The following HOXD11 variants were observed in gnomAD, a reference collection of about 807,000 sequenced individuals.
HOXD11 encodes the protein homeobox protein Hox-D11.
In HOXD11, 16 loss-of-function variants were observed where a neutral mutation model predicts 23.1. That is an observed-to-expected ratio of 0.69 (90% CI 0.47 to 1.05). The LOEUF is 1.05. Ranked by LOEUF, HOXD11 falls within the 50% of genes least tolerant of loss-of-function variation. The pLI is 0.00. For synonymous variants in HOXD11, 262 were observed against 224.4 expected (o/e 1.17, Z -1.50); for missense variants, 564 against 495.6 (o/e 1.14, Z -1.31).
rs922505375 is a variant in HOXD11 at position 176,107,685 on chromosome 2, GGCGGCGGCGGCTGCGGCGGCC to G, written c.339_359del (p.Ala114_Ala120del). On this transcript the variant is annotated inframe_deletion, in exon 1 of 2. Coordinates refer to ENST00000249504, the MANE Select transcript of HOXD11 (RefSeq NM_021192.3). Reference sequence around the variant, plus strand: ...GCTACGCTCCCTACTACGCGGCGGCGGCGGCGGCGGCTGCGGCGGCCGCGGCGGCCGAGGAGGCGGCCATGC... The same window carrying G: ...GCTACGCTCCCTACTACGCGGCGGCGGCGGCGGCCGAGGAGGCGGCCATGC... 8.0e-6 allele frequency: 8 copies of G among 995,782 alleles called. No individual in the cohort carries two copies. Among genetic ancestry groups the G allele is most frequent in the Middle Eastern group, 5.0e-4 (1 of 1,992 alleles). 61.7% of individuals were successfully genotyped at this position (995,782 alleles called of 1,614,324 possible). A position where few individuals can be genotyped will look rare whatever the true frequency, so the allele number is the denominator to read the frequency against.
chr2:176,107,733 A>T lies in HOXD11; in HGVS notation c.378A>T (p.Gln126His), dbSNP rs1487338186. Residue 126 changes from glutamine to histidine, a missense_variant, in exon 1 of 2, where the codon CAA becomes CAT. Gln to His is a conservative substitution (Grantham distance 24). Transcript: ENST00000249504. ...CGGCGGCCGAGGAGGCGGCCATGCA[A>T]CGCGAGCTTCTCCCGCCCGCGGGCC... ...AAAAAEEAAMQRELLPPAGRR... is the reference protein window; with the variant it reads ...AAAAAEEAAMHRELLPPAGRR... 8.5e-7 allele frequency: 1 copy of T among 1,173,880 alleles called. No homozygotes were observed. Among genetic ancestry groups the T allele is most frequent in the African/African-American group, 1.6e-5 (1 of 61,216 alleles). 72.7% of individuals were successfully genotyped at this position (1,173,880 alleles called of 1,614,324 possible).
intron 1 of HOXD11, 91 bp from the exon 2 acceptor site, chr2:176,108,816 G>A: frequency 2.4e-6 from 2 of 831,902 alleles, no homozygotes; most frequent in South Asian, 3.5e-5. Flanking sequence ...CGGGGCCAGG[G>A]CCTGGCCCTC....
rs778212888 is a variant in HOXD11 at position 176,108,909 on chromosome 2, G to GC, written c.790dup (p.Gln264ProfsTer25). 1 of 1,611,382 alleles carries GC rather than the reference G, an allele frequency of 6.2e-7. No individual in the cohort carries two copies. Reference sequence around the variant, plus strand: ...CCCCTGGTCTCTTTGCCTTGCAGTTGCCCCCCAGCGGTCCCGGAAAAAGCG... The same window carrying GC: ...CCCCTGGTCTCTTTGCCTTGCAGTTGCCCCCCCAGCGGTCCCGGAAAAAGCG... On this transcript the variant is annotated frameshift_variant, in exon 2 of 2. Transcript: ENST00000249504. LOFTEE classifies it high-confidence loss of function.
At position 176,107,527 on chromosome 2, in the gene HOXD11, G is replaced by T. The variant is rs1689596252; in HGVS notation, c.172G>T (p.Val58Leu). ...CAACCTGGCTCCGCACGTCCAGCCCGTGCGCGAAGTGGCCTTCCGCGACTA... is the reference window on the plus strand; with the variant it reads ...CAACCTGGCTCCGCACGTCCAGCCCTTGCGCGAAGTGGCCTTCCGCGACTA... ...SSNLAPHVQP[V>L]REVAFRDYGL... The change falls in exon 1 of 2, where the codon GTG (valine) becomes TTG (leucine). Residue 58 changes from valine to leucine, a missense_variant. Physicochemically the swap from Val to Leu is conservative, Grantham distance 32. Coordinates refer to ENST00000249504, the MANE Select transcript of HOXD11 (RefSeq NM_021192.3). 6.2e-7 allele frequency: 1 copy of T among 1,612,954 alleles called. No homozygotes were observed. Among genetic ancestry groups the T allele is most frequent in the Admixed American group, 1.7e-5 (1 of 59,936 alleles).
Position 176,108,059 on chromosome 2 carries a change from AG to A in HOXD11, c.709del (p.Ala237GlnfsTer55). The A allele has an allele frequency of 6.7e-7, 1 of 1,481,992 alleles. No homozygotes were observed. Among genetic ancestry groups the A allele is most frequent in the South Asian group, 1.3e-5 (1 of 78,442 alleles). The allele number at this position is 1,481,992 out of a possible 1,614,324, so 91.8% of individuals were successfully genotyped here. A position where few individuals can be genotyped will look rare whatever the true frequency, so the allele number is the denominator to read the frequency against. ...AAGGCGACCCCTGGCTCGGAGCCCA[AG>A]GGGGCAGCAGAAGGCAGCGGTGGCG... ...CTKATPGSEPKGAAEGSGGDG... is the reference protein window; with the variant it reads ...CTKATPGSEPXGAAEGSGGDG... On this transcript the variant is annotated frameshift_variant, in exon 1 of 2. Transcript: ENST00000249504. LOFTEE classifies it high-confidence loss of function.
the HOXD11 span, among the ~76,000 whole-genome samples, chr2:176,115,060 C>T: frequency 1.3e-5 from 2 of 152,368 alleles, no homozygotes; most frequent in East Asian, 3.9e-4. Flanking sequence ...TTCCGCAGGG[C>T]GGCTCACCCG....
chr2:176,111,836 A>AAAAAAAAAAAAAAAAC (rs1689678263), downstream of HOXD11, among the ~76,000 whole-genome samples: 1 of 147,394 alleles, frequency 6.8e-6, no homozygotes, highest in South Asian at 2.2e-4. Context: ...CAAAAAAAAA[A>AAAAAAAAAAAAAAAAC]AAAAAAAAAA....
downstream of HOXD11, among the ~76,000 whole-genome samples, chr2:176,111,828 A>AC (rs1416799729): frequency 7.9e-6 from 1 of 126,780 alleles, no homozygotes; most frequent in African/African-American, 2.9e-5. Flanking sequence ...CCCCCCCGCA[A>AC]AAAAAAAAAA....
chr2:176,107,518 G>T lies in HOXD11; in HGVS notation c.163G>T (p.Val55Phe), dbSNP rs774150821. Reference sequence around the variant, plus strand: ...CTACTCTTCCAACCTGGCTCCGCACGTCCAGCCCGTGCGCGAAGTGGCCTT... The same window carrying T: ...CTACTCTTCCAACCTGGCTCCGCACTTCCAGCCCGTGCGCGAAGTGGCCTT... ...FPYSSNLAPH[V>F]QPVREVAFRD... The change falls in exon 1 of 2, where the codon GTC becomes TTC. Residue 55 changes from valine (V) to phenylalanine (F), a missense_variant. By Grantham distance (50) the Val-to-Phe change is conservative. Coordinates refer to ENST00000249504, the MANE Select transcript of HOXD11 (RefSeq NM_021192.3). 6.2e-7 allele frequency: 1 copy of T among 1,613,430 alleles called. No homozygotes were observed. Among genetic ancestry groups the T allele is most frequent in the East Asian group, 2.2e-5 (1 of 44,784 alleles).
downstream of HOXD11, among the ~76,000 whole-genome samples, chr2:176,114,140 C>G (rs746287220): frequency 6.6e-6 from 1 of 152,248 alleles, no homozygotes; most frequent in Non-Finnish European, 1.5e-5. Flanking sequence ...ACTGCTGGAG[C>G]GCCAAGCTAG....
In HOXD11 at chr2:176,108,969, G is replaced by C; in HGVS notation, c.844G>C (p.Glu282Gln). ...TACCAAGTACCAGATCCGCGAACTG[G>C]AACGCGAGTTTTTCTTTAACGTGTA... is the stretch of plus-strand genomic sequence containing the variant. ...PYTKYQIREL[E>Q]REFFFNVYIN... The change falls in exon 2 of 2, where the codon GAA (glutamate) becomes CAA (glutamine). Residue 282 changes from glutamate to glutamine, a missense_variant. Coordinates refer to ENST00000249504, the MANE Select transcript of HOXD11 (RefSeq NM_021192.3). The C allele has an allele frequency of 6.2e-7, 1 of 1,614,172 alleles. No homozygotes were observed. The highest frequency in any genetic ancestry group is 8.5e-7 in the Non-Finnish European group (1 of 1,180,038).
At chr2:176,108,477 G>C (rs1689620995) in intron 1 of HOXD11, among the ~76,000 whole-genome samples, 1 of 151,994 alleles carries the variant, frequency 6.6e-6, no homozygotes, top group African/African-American at 2.4e-5. Context: ...TTAAGGGAGA[G>C]AGGCGGGGGG....
chr2:176,112,113 C>CG (rs928215673), downstream of HOXD11, among the ~76,000 whole-genome samples: 22 of 152,072 alleles, frequency 1.4e-4, no homozygotes, highest in Non-Finnish European at 2.6e-4. Flanking sequence ...AGCAGGCACT[C>CG]GGGGGAAACG....
At chr2:176,114,940 G>A in the HOXD11 span, among the ~76,000 whole-genome samples, 1 of 152,246 alleles carries the variant, frequency 6.6e-6, no homozygotes, top group African/African-American at 2.4e-5. Context: ...CTGGCAGGAA[G>A]GGAACCTGGC....
Position 176,107,989 on chromosome 2 carries a change from G to T in HOXD11, c.634G>T (p.Asp212Tyr), listed in dbSNP as rs1274177968. 1.4e-6 allele frequency: 2 copies of T among 1,462,208 alleles called. No homozygotes were observed. Among genetic ancestry groups the T allele is most frequent in the Admixed American group, 4.8e-5 (2 of 41,628 alleles). The allele number at this position is 1,462,208 out of a possible 1,614,324, so 90.6% of individuals were successfully genotyped here. ...PQPEGAADKG[D>Y]PRTGAGGGGG... ...GCCCGAGGGCGCAGCCGACAAGGGC[G>T]ACCCCAGGACCGGGGCTGGTGGCGG... is the stretch of plus-strand genomic sequence containing the variant. The change falls in exon 1 of 2, where the codon GAC becomes TAC. Residue 212 changes from aspartate (D) to tyrosine (Y), a missense_variant. Physicochemically the swap from Asp to Tyr is radical, Grantham distance 160 (BLOSUM62 -3). Transcript: ENST00000249504.
chr2:176,111,788 GGT>G (rs1359964778), downstream of HOXD11, among the ~76,000 whole-genome samples: 1 of 135,512 alleles, frequency 7.4e-6, no homozygotes, highest in Non-Finnish European at 1.5e-5. Flanking sequence ...CCTTGTCTAG[GGT>G]TGGACACCCC....
At chr2:176,108,187 G>A (rs572108243) in intron 1 of HOXD11, 51 bp downstream of exon 1, 13 of 756,044 alleles carry the variant, frequency 1.7e-5, no homozygotes, top group African/African-American at 1.2e-4. Flanking sequence ...GCGGGGGAGG[G>A]GGGGGGGGCG....
chr2:176,113,610 A>T (rs1327747267), downstream of HOXD11, among the ~76,000 whole-genome samples: 1 of 152,190 alleles, frequency 6.6e-6, no homozygotes, highest in Non-Finnish European at 1.5e-5. Context: ...TCTTAGGCAC[A>T]CTTTCCATCC....
chr2:176,107,805 G>A lies in HOXD11; in HGVS notation c.450G>A (p.Ala150=). ...AGGCGCCTGAGCCGGTGTGCGCTGC[G>A]CCGGGGCCGCCGCACGGCCCCGCGG... ...LFKAPEPVCA[A]PGPPHGPAGA... Residue 150 remains alanine (A), a synonymous_variant, in exon 1 of 2, where the codon GCG becomes GCA. Transcript: ENST00000249504. 2.2e-6 allele frequency: 3 copies of A among 1,393,010 alleles called. No individual in the cohort carries two copies. The highest frequency in any genetic ancestry group is 3.3e-5 in the East Asian group (1 of 30,642). The allele number at this position is 1,393,010 out of a possible 1,614,324, so 86.3% of individuals were successfully genotyped here.
Sources: allele counts gnomAD v4.1 joint callset (sites outside exome capture counted in the v4.1 genomes callset), GRCh38; gene constraint gnomAD v4.1.1; transcripts MANE v1.5; gene names NCBI Gene and HGNC (gene_info 2026-07-23, HGNC 2026-07-21).